ABTB2: variants seen among roughly 807,000 people sequenced by gnomAD.
ABTB2 encodes the protein ankyrin repeat and BTB/POZ domain-containing protein 2.
A neutral mutation model predicts 104.1 loss-of-function variants in ABTB2; 56 were observed. The observed-to-expected ratio is 0.54, with a 90% CI of 0.43 to 0.67. ABTB2 has a LOEUF of 0.67. Ranked by LOEUF, ABTB2 falls within the 30% of genes least tolerant of loss-of-function variation. The pLI is 0.00. For synonymous variants in ABTB2, 606 were observed against 608.2 expected (o/e 1.00, Z 0.05); for missense variants, 1,279 against 1,407.7 (o/e 0.91, Z 1.46).
At chr11:34,285,277 C>T (rs539589111) in intron 1 of ABTB2, among the ~76,000 whole-genome samples, 71 of 152,202 alleles carry the variant, frequency 4.7e-4, no homozygotes, top group African/African-American at 1.3e-3. Flanking sequence ...GGCAGGGCTA[C>T]GCAGCTCATT....
intron 1 of ABTB2, among the ~76,000 whole-genome samples, chr11:34,218,356 C>T (rs574190932): frequency 6.6e-6 from 1 of 152,190 alleles, no homozygotes; most frequent in African/African-American, 2.4e-5. Context: ...GGTGTCATAT[C>T]TAAAAAGTCA....
intron 6 of ABTB2, 109 bp downstream of exon 6, chr11:34,167,794 A>G: frequency 8.8e-7 from 1 of 1,137,372 alleles, no homozygotes; most frequent in African/African-American, 1.5e-5. Context: ...GTCTTTTGAC[A>G]CACATCTACT....
At chr11:34,349,879 A>T (rs1242856533) in intron 1 of ABTB2, among the ~76,000 whole-genome samples, 1 of 152,188 alleles carries the variant, frequency 6.6e-6, no homozygotes. Flanking sequence ...GAAGTGAAAC[A>T]ACTTGCCCAG....
intron 7 of ABTB2, among the ~76,000 whole-genome samples, chr11:34,165,675 C>T (rs1852790430): frequency 1.3e-5 from 2 of 152,232 alleles, no homozygotes; most frequent in South Asian, 2.1e-4. Context: ...TGTGGATGAG[C>T]AGCACAGAAA....
intron 14 of ABTB2, among the ~76,000 whole-genome samples, chr11:34,155,350 C>CAGGCCCGGAGGCCCGG (rs957583587): frequency 6.6e-5 from 10 of 152,234 alleles, no homozygotes; most frequent in African/African-American, 2.4e-4. Context: ...GCGCAGAGCC[C>CAGGCCCGGAGGCCCGG]AGGCCCGGAG....
intron 3 of ABTB2, among the ~76,000 whole-genome samples, chr11:34,186,912 C>A (rs1207927697): frequency 6.6e-6 from 1 of 152,220 alleles, no homozygotes; most frequent in Admixed American, 6.5e-5. Flanking sequence ...ACCGAGATCC[C>A]CGGCTCCGGG....
chr11:34,239,426 G>A (rs1050223504), intron 1 of ABTB2, among the ~76,000 whole-genome samples: 3 of 152,002 alleles, frequency 2.0e-5, no homozygotes, highest in African/African-American at 7.2e-5. Flanking sequence ...AAACTCCTGG[G>A]CTCAAGCAAT....
chr11:34,210,945 A>AT (rs1348584821), intron 1 of ABTB2, among the ~76,000 whole-genome samples: 3 of 152,048 alleles, frequency 2.0e-5, no homozygotes, highest in East Asian at 1.9e-4. Context: ...CCTTTTTAAA[A>AT]TTTTTTTATT....
intron 1 of ABTB2, among the ~76,000 whole-genome samples, chr11:34,226,247 G>C (rs948890615): frequency 3.5e-4 from 51 of 147,072 alleles, no homozygotes; most frequent in African/African-American, 1.0e-3. Flanking sequence ...ACCTATTTGA[G>C]TTTTATTGCC....
At chr11:34,172,370 TCAA>T (rs1320465447) in intron 4 of ABTB2, among the ~76,000 whole-genome samples, 8 of 34,982 alleles carry the variant, frequency 2.3e-4, no homozygotes, top group African/African-American at 9.2e-4. Context: ...AAACTCTGTC[TCAA>T]AAAAAAAAAA....
intron 3 of ABTB2, among the ~76,000 whole-genome samples, chr11:34,182,747 A>T (rs572955607): frequency 1.3e-5 from 2 of 152,182 alleles, no homozygotes; most frequent in South Asian, 4.2e-4. Flanking sequence ...GGAGTAATAG[A>T]AAAATGCAAA....
intron 1 of ABTB2, among the ~76,000 whole-genome samples, chr11:34,268,409 G>C (rs1854274710): frequency 6.6e-6 from 1 of 152,226 alleles, no homozygotes; most frequent in Non-Finnish European, 1.5e-5. Context: ...GATGGGGACA[G>C]GACGGCTGAC....
chr11:34,241,157 C>T (rs1853911005), intron 1 of ABTB2, among the ~76,000 whole-genome samples: 1 of 152,134 alleles, frequency 6.6e-6, no homozygotes, highest in African/African-American at 2.4e-5. Flanking sequence ...TCCTGTGTGG[C>T]TTTGGGCAAA....
chr11:34,178,770 ACT>A (rs1471341886), intron 3 of ABTB2, among the ~76,000 whole-genome samples: 1 of 151,786 alleles, frequency 6.6e-6, no homozygotes, highest in African/African-American at 2.4e-5. Context: ...TGGTCTCAGG[ACT>A]CTATATATAC....
intron 1 of ABTB2, among the ~76,000 whole-genome samples, chr11:34,265,214 C>T (rs1217148180): frequency 6.6e-6 from 1 of 152,172 alleles, no homozygotes; most frequent in African/African-American, 2.4e-5. Flanking sequence ...TCACAAACAC[C>T]CAGGCCCTTT....
chr11:34,270,409 G>A (rs952507078), intron 1 of ABTB2, among the ~76,000 whole-genome samples: 1 of 148,688 alleles, frequency 6.7e-6, no homozygotes, highest in Admixed American at 6.8e-5. Context: ...TCACGATCTC[G>A]GCTCGCTGCA....
Position 34,160,234 on chromosome 11 carries a change from G to A in ABTB2, c.2503+14C>T, listed in dbSNP as rs984227996. On this transcript the variant is annotated intron_variant, in intron 12 of 16. Transcript: ENST00000435224. ...GACGTGTGGTGATGCAGGGCGCAGG[G>A]GGCGCGCCTTCACCTAGCCTGGCCG... is the stretch of plus-strand genomic sequence containing the variant. The A allele has an allele frequency of 6.3e-7, 1 of 1,596,104 alleles. No individual in the cohort carries two copies. Among genetic ancestry groups the A allele is most frequent in the African/African-American group, 1.3e-5 (1 of 74,644 alleles).
chr11:34,357,370 T>C lies in ABTB2; in HGVS notation c.214A>G (p.Asn72Asp). 6.5e-7 allele frequency: 1 copy of C among 1,542,022 alleles called. No homozygotes were observed. The highest frequency in any genetic ancestry group is 8.8e-7 in the Non-Finnish European group (1 of 1,140,848). Residue 72 changes from asparagine to aspartate, a missense_variant, in exon 1 of 17, where the codon AAC becomes GAC. By Grantham distance (23) the Asn-to-Asp change is conservative (BLOSUM62 1). Coordinates refer to ENST00000435224, the MANE Select transcript of ABTB2 (RefSeq NM_145804.3). ...NSRHNSWDTV[N>D]TVLPEDPEVA... ...TCGGGGTCCTCGGGCAGCACCGTGT[T>C]CACCGTGTCCCAGCTGTTGTGGCGG...
chr11:34,245,122 AT>A (rs1853969622), intron 1 of ABTB2, among the ~76,000 whole-genome samples: 1 of 152,240 alleles, frequency 6.6e-6, no homozygotes, highest in African/African-American at 2.4e-5. Context: ...GGCTACTATT[AT>A]TATAATGGCT....
Sources: allele counts gnomAD v4.1 joint callset (sites outside exome capture counted in the v4.1 genomes callset), GRCh38; gene constraint gnomAD v4.1.1; transcripts MANE v1.5; gene names NCBI Gene and HGNC (gene_info 2026-07-23, HGNC 2026-07-21).